Variants in HMG20A observed in about 807,000 individuals in gnomAD.
HMG20A encodes the protein high mobility group 20A.
HMG20A carries 17 observed loss-of-function variants against 43.9 expected under a neutral mutation model. That is an observed-to-expected ratio of 0.39 (90% CI 0.27 to 0.58). The LOEUF is 0.58. Among genes scored for constraint, HMG20A ranks in the 20% least tolerant of loss-of-function variants. HMG20A has a pLI of 0.59. For synonymous variants in HMG20A, 132 were observed against 147.5 expected, an observed-to-expected ratio of 0.89 and a Z score of 0.76; for missense variants, 341 against 438.2, an observed-to-expected ratio of 0.78 and a Z score of 1.98.
At chr15:77,506,439 G>T in the HMG20A span, among the ~76,000 whole-genome samples, 1 of 152,168 alleles carries the variant, frequency 6.6e-6, no homozygotes, top group East Asian at 1.9e-4. Context: ...CTCCCCGCAG[G>T]GTGATTGTGT....
At chr15:77,464,210 G>A (rs1934570709) in intron 2 of HMG20A, 30 bp from the exon 3 acceptor site, 1 of 1,607,440 alleles carries the variant, frequency 6.2e-7, no homozygotes, top group Non-Finnish European at 8.5e-7. Context: ...TGGAGTTTTT[G>A]TGTTGTTGAT....
At chr15:77,486,079 C>A (rs573480620), downstream of HMG20A, among the ~76,000 whole-genome samples, 1 of 152,112 alleles carries the variant, frequency 6.6e-6, no homozygotes, top group Admixed American at 6.6e-5. Flanking sequence ...GTATCTTTAC[C>A]GGTTTGAGAA....
chr15:77,479,962 T>C (rs1461364699), intron 9 of HMG20A, among the ~76,000 whole-genome samples: 1 of 152,148 alleles, frequency 6.6e-6, no homozygotes, highest in African/African-American at 2.4e-5. Context: ...GGACTCACCA[T>C]ACAAACAGGT....
intron 1 of HMG20A, among the ~76,000 whole-genome samples, chr15:77,441,570 G>T (rs555252426): frequency 6.6e-6 from 1 of 152,166 alleles, no homozygotes; most frequent in South Asian, 2.1e-4. Flanking sequence ...CCAGTTAGTT[G>T]GTAGTATATC....
the HMG20A span, among the ~76,000 whole-genome samples, chr15:77,512,741 T>G: frequency 6.6e-6 from 1 of 151,990 alleles, no homozygotes; most frequent in Non-Finnish European, 1.5e-5. Context: ...AAACAGGATA[T>G]TTACCTAATT....
chr15:77,507,347 T>TAC, the HMG20A span, among the ~76,000 whole-genome samples: 6 of 152,084 alleles, frequency 3.9e-5, no homozygotes, highest in South Asian at 6.2e-4. Flanking sequence ...CAGGTGCATG[T>TAC]ACACACACCC....
At chr15:77,461,662 G>C (rs960404117) in intron 2 of HMG20A, among the ~76,000 whole-genome samples, 1 of 152,148 alleles carries the variant, frequency 6.6e-6, no homozygotes, top group African/African-American at 2.4e-5. Flanking sequence ...GTCCACTTAA[G>C]TCAGGGATTC....
At chr15:77,497,323 G>A in the HMG20A span, among the ~76,000 whole-genome samples, 1 of 152,220 alleles carries the variant, frequency 6.6e-6, no homozygotes, top group Admixed American at 6.5e-5. Context: ...GCAGGCCTAG[G>A]CAAGGCGAGA....
intron 1 of HMG20A, among the ~76,000 whole-genome samples, chr15:77,448,003 CCA>C (rs1290433164): frequency 1.2e-4 from 18 of 152,142 alleles, no homozygotes; most frequent in African/African-American, 4.3e-4. Flanking sequence ...TATATGCAGG[CCA>C]CAGTTTATAG....
chr15:77,485,636 A>G (rs2072940980), downstream of HMG20A: 1 of 152,444 alleles, frequency 6.6e-6, no homozygotes, highest in African/African-American at 2.4e-5. Context: ...GCTTTGTAAC[A>G]AAAAGTCCTA....
chr15:77,481,430 G>C (rs1023066898), intron 9 of HMG20A, among the ~76,000 whole-genome samples: 2 of 152,202 alleles, frequency 1.3e-5, no homozygotes, highest in African/African-American at 2.4e-5. Context: ...GGCTTGAAAA[G>C]TGAGAGCTGG....
intron 1 of HMG20A, among the ~76,000 whole-genome samples, chr15:77,435,819 C>CTTTT (rs35390385): frequency 6.8e-5 from 10 of 147,746 alleles, no homozygotes; most frequent in Non-Finnish European, 7.5e-5. Context: ...GTAGGTGCAT[C>CTTTT]TTTTTTTTTT....
rs74026914 is a variant in HMG20A, at chr15:77,441,236, G to A, written c.-4-17168G>A. Reference sequence around the variant, plus strand: ...CGTAAAAGATGAGATTGGAATCTAGGCAGTCTGACTCCAGAGCCCTCAGTA... The same window carrying A: ...CGTAAAAGATGAGATTGGAATCTAGACAGTCTGACTCCAGAGCCCTCAGTA... On this transcript the variant is annotated intron_variant, in intron 1 of 9. Transcript: ENST00000336216. Among the ~76,000 whole-genome samples, 740 of 152,104 alleles carry A rather than the reference G, an allele frequency of 4.9e-3. 8 individuals are homozygous for A. The highest frequency in any genetic ancestry group is 0.016 in the African/African-American group (668 of 41,526).
chr15:77,499,711 A>G, the HMG20A span, among the ~76,000 whole-genome samples: 3 of 152,068 alleles, frequency 2.0e-5, no homozygotes, highest in Non-Finnish European at 4.4e-5. Context: ...TTCTAACTAG[A>G]CTTAGTATAG....
chr15:77,486,259 CTT>C (rs71145843), downstream of HMG20A, among the ~76,000 whole-genome samples: 11 of 128,628 alleles, frequency 8.6e-5, no homozygotes, highest in Admixed American at 1.6e-4. Flanking sequence ...TAAATGCTTG[CTT>C]TTTTTTTTTT....
intron 1 of HMG20A, among the ~76,000 whole-genome samples, chr15:77,456,550 C>T (rs1404561151): frequency 3.3e-5 from 5 of 149,272 alleles, no homozygotes; most frequent in African/African-American, 7.4e-5. Context: ...TGTGGTGGCA[C>T]GTACCTGTAA....
the HMG20A span, among the ~76,000 whole-genome samples, chr15:77,490,902 T>C: frequency 3.9e-5 from 6 of 152,184 alleles, no homozygotes; most frequent in Non-Finnish European, 7.3e-5. Context: ...TTCCTTGAGA[T>C]TCTAAGTTCA....
intron 1 of HMG20A, among the ~76,000 whole-genome samples, chr15:77,430,759 T>A (rs2073476259): frequency 6.6e-6 from 1 of 152,152 alleles, no homozygotes; most frequent in African/African-American, 2.4e-5. Context: ...CTAGGCAGAG[T>A]CTAGAACTGT....
intron 1 of HMG20A, among the ~76,000 whole-genome samples, chr15:77,426,374 T>C (rs2073427770): frequency 2.0e-5 from 3 of 152,200 alleles, no homozygotes; most frequent in Admixed American, 2.0e-4. Flanking sequence ...GATTAACACA[T>C]GTTTTATATG....
Sources: gnomAD v4.1 joint callset for allele counts (sites outside exome capture counted in the v4.1 genomes callset) on GRCh38, gnomAD v4.1.1 for gene constraint, MANE v1.5 for transcripts, NCBI Gene and HGNC (gene_info 2026-07-23, HGNC 2026-07-21) for gene names.